Variants in SLC46A1 observed in about 807,000 individuals in gnomAD.
The protein encoded by SLC46A1 is proton-coupled folate transporter.
SLC46A1 carries 17 observed loss-of-function variants against 32.1 expected under a neutral mutation model. That is an observed-to-expected ratio of 0.53 (90% CI 0.36 to 0.79). The LOEUF is 0.79. Among genes scored for constraint, SLC46A1 ranks in the 30% least tolerant of loss-of-function variants. SLC46A1 has a pLI of 0.00. For missense variants in SLC46A1, 517 were observed against 588.2 expected, an observed-to-expected ratio of 0.88 and a Z score of 1.25; for synonymous variants, 240 against 262.7, an observed-to-expected ratio of 0.91 and a Z score of 0.84.
chr17:28,403,388 T>C (rs1384668098), intron 2 of SLC46A1: 1 of 152,456 alleles, frequency 6.6e-6, no homozygotes, highest in Non-Finnish European at 1.5e-5. Flanking sequence ...TCATAACCAT[T>C]TCTCTCCCTG....
At position 28,406,097 on chromosome 17, in the gene SLC46A1, G is replaced by T. The variant is rs375478405; in HGVS notation, c.18C>A (p.Ser6Arg). ...GGCGGGCGCGGGGCTTTTCCGGGGG[G>T]CTCGCGCTCCCCTCCATGTGCGTGC... The part of the protein sequence containing the change: MEGSA[S>R]PPEKPRARPA... Residue 6 changes from serine to arginine, a missense_variant, in exon 1 of 5, where the codon AGC becomes AGA. By Grantham distance (110) the Ser-to-Arg change is moderately radical. Transcript: ENST00000612814. The surrounding 1 kb of genome is among the most constrained non-coding windows in gnomAD (Gnocchi z 4.5). 7.1e-6 allele frequency: 11 copies of T among 1,559,136 alleles called. No individual in the cohort carries two copies. Among genetic ancestry groups the T allele is most frequent in the East Asian group, 2.4e-5 (1 of 41,154 alleles).
chr17:28,406,281 T>C, upstream of SLC46A1: 1 of 507,060 alleles, frequency 2.0e-6, no homozygotes, highest in Non-Finnish European at 3.1e-6. The surrounding 1 kb of genome is among the most constrained non-coding windows in gnomAD (Gnocchi z 4.5). Flanking sequence ...GCCACCGGAC[T>C]CTCGCCGCGG....
rs2142447378 is a variant in SLC46A1, at chr17:28,397,658, AG to A, written c.*1997del. The stretch of plus-strand genomic sequence containing the variant: ...GGCTATTGCTTCTCCCTTGCTTCAA[AG>A]AATCTAGCAGCGGGGGATAGGATTT... On this transcript the variant is annotated 3_prime_UTR_variant, in exon 5 of 5. Transcript: ENST00000612814. The A allele has an allele frequency of 6.6e-6, 1 of 152,374 alleles. No homozygotes were observed. Among genetic ancestry groups the A allele is most frequent in the African/African-American group, 2.4e-5 (1 of 41,596 alleles). The allele number at this position is 152,374 out of a possible 1,614,324, so 9.4% of individuals were successfully genotyped here. A position where few individuals can be genotyped will look rare whatever the true frequency, so the allele number is the denominator to read the frequency against.
chr17:28,405,960 C>A lies in SLC46A1; in HGVS notation c.155G>T (p.Ser52Ile), dbSNP rs989971529. 2 of 1,611,628 alleles carry A rather than the reference C, an allele frequency of 1.2e-6. No individual in the cohort carries two copies. The highest frequency in any genetic ancestry group is 1.7e-6 in the Non-Finnish European group (2 of 1,179,278). The change falls in exon 1 of 5, where the codon AGC becomes ATC. Residue 52 changes from serine to isoleucine, a missense_variant. Physicochemically the swap from Ser to Ile is moderately radical, Grantham distance 142. Coordinates refer to ENST00000612814, the MANE Select transcript of SLC46A1 (RefSeq NM_080669.6). Reference protein sequence around the residue: ...LTTQYLWHRFSADLGYNGTRQ... With the variant: ...LTTQYLWHRFIADLGYNGTRQ... ...GGTGCCATTGTAGCCGAGGTCGGCG[C>A]TGAAGCGGTGCCACAGATACTGCGT... is the stretch of plus-strand genomic sequence containing the variant.
In SLC46A1 at chr17:28,406,038, T is replaced by C; in HGVS notation, c.77A>G (p.Glu26Gly). The C allele has an allele frequency of 6.2e-7, 1 of 1,607,322 alleles. No individual in the cohort carries two copies. The highest frequency in any genetic ancestry group is 8.5e-7 in the Non-Finnish European group (1 of 1,178,042). Reference protein sequence around the residue: ...AAAVLCRGPVEPLVFLANFAL... With the variant: ...AAAVLCRGPVGPLVFLANFAL... ...AAAGTTGGCCAGGAAGACCAGCGGC[T>C]CTACCGGGCCCCGGCACAGCACGGC... Residue 26 changes from glutamate (E) to glycine (G), a missense_variant, in exon 1 of 5, where the codon GAG becomes GGG. Physicochemically the swap from Glu to Gly is moderately conservative, Grantham distance 98. Coordinates refer to ENST00000612814, the MANE Select transcript of SLC46A1 (RefSeq NM_080669.6). This position sits in a 1 kb window ranked among gnomAD's most constrained non-coding sequence, Gnocchi z 4.5.
In SLC46A1 at chr17:28,395,255, G is replaced by C. The variant is rs2068105486; in HGVS notation, c.*4401C>G. On this transcript the variant is annotated 3_prime_UTR_variant, in exon 5 of 5. Transcript: ENST00000612814. The stretch of plus-strand genomic sequence containing the variant: ...TTACAGGCGTGACCCACCATGCCCA[G>C]CTGAATTATTTAATTTCACAGTTAT... 6.6e-6 allele frequency: 1 copy of C among 152,168 alleles called. No individual in the cohort carries two copies. The highest frequency in any genetic ancestry group is 6.5e-5 in the Admixed American group (1 of 15,268). 9.4% of individuals were successfully genotyped at this position (152,168 alleles called of 1,614,324 possible).
At chr17:28,405,599 G>T in intron 1 of SLC46A1, 131 bp from the exon 2 acceptor site, 1 of 1,378,456 alleles carries the variant, frequency 7.3e-7, no homozygotes. Flanking sequence ...TCTTAGCACA[G>T]CTTTCAAAAT....
At position 28,405,465 on chromosome 17, in the gene SLC46A1, C is replaced by T; in HGVS notation, c.232G>A (p.Val78Met). 1 of 1,597,594 alleles carries T rather than the reference C, an allele frequency of 6.3e-7. No homozygotes were observed. Among genetic ancestry groups the T allele is most frequent in the Non-Finnish European group, 8.5e-7 (1 of 1,173,544 alleles). The part of the protein sequence containing the change: ...NRSADPTMQE[V>M]ETLTSHWTLY... ...GTCCAGTGGGAGGTAAGGGTCTCCA[C>T]TTCCTGTAGGGGCACAATGACCAGG... Residue 78 changes from valine to methionine, a missense_variant, in exon 2 of 5, where the codon GTG becomes ATG. Physicochemically the swap from Val to Met is conservative, Grantham distance 21. Transcript: ENST00000612814.
chr17:28,403,835 A>G (rs1281958113), intron 2 of SLC46A1: 1 of 152,194 alleles, frequency 6.6e-6, no homozygotes, highest in Non-Finnish European at 1.5e-5. Flanking sequence ...CAAAATGGTG[A>G]GGACCCCATC....
Position 28,399,574 on chromosome 17 carries a change from G to A in SLC46A1, c.*82C>T. 4 of 1,439,618 alleles carry A rather than the reference G, an allele frequency of 2.8e-6. No individual in the cohort carries two copies. The highest frequency in any genetic ancestry group is 3.9e-6 in the Non-Finnish European group (4 of 1,025,722). 89.2% of individuals were successfully genotyped at this position (1,439,618 alleles called of 1,614,324 possible). On this transcript the variant is annotated 3_prime_UTR_variant, in exon 5 of 5. Transcript: ENST00000612814. The stretch of plus-strand genomic sequence containing the variant: ...AGACAAGAGTTGCTTGTCCTGCTGT[G>A]GGCTGGGCTTCCAGCTGCAGACCTC...
intron 4 of SLC46A1, chr17:28,400,087 G>C: frequency 3.7e-6 from 1 of 267,594 alleles, no homozygotes; most frequent in South Asian, 4.7e-5. Context: ...TACAGACAAG[G>C]TCTTGCTATG....
upstream of SLC46A1, chr17:28,406,481 C>G (rs41297057): frequency 6.8e-5 from 15 of 222,082 alleles, no homozygotes; most frequent in Non-Finnish European, 1.1e-4. This position sits in a 1 kb window ranked among gnomAD's most constrained non-coding sequence, Gnocchi z 4.5. Context: ...GGTATTAAAC[C>G]CTTTTTGTGC....
Position 28,399,404 on chromosome 17 carries a change from G to A in SLC46A1, c.*252C>T. 1.9e-6 allele frequency: 1 copy of A among 527,174 alleles called. No individual in the cohort carries two copies. 32.7% of individuals were successfully genotyped at this position (527,174 alleles called of 1,614,324 possible). ...TAGCAGAAAGGGAGAACTGACTCCT[G>A]TCCCAAATAGCTCCTCTGCCACCTG... On this transcript the variant is annotated 3_prime_UTR_variant, in exon 5 of 5. Transcript: ENST00000612814.
Position 28,399,594 on chromosome 17 carries a change from G to T in SLC46A1, c.*62C>A. The T allele has an allele frequency of 6.4e-7, 1 of 1,563,998 alleles. No individual in the cohort carries two copies. The highest frequency in any genetic ancestry group is 1.1e-5 in the South Asian group (1 of 89,538). On this transcript the variant is annotated 3_prime_UTR_variant, in exon 5 of 5. Transcript: ENST00000612814. ...GCTGTGGGCTGGGCTTCCAGCTGCAGACCTCCAGTTGCTTGGTGTTCACTT... is the reference window on the plus strand; with the variant it reads ...GCTGTGGGCTGGGCTTCCAGCTGCATACCTCCAGTTGCTTGGTGTTCACTT...
rs2068151320 is a variant in SLC46A1 at position 28,397,971 on chromosome 17, C to CCT, written c.*1683_*1684dup. On this transcript the variant is annotated 3_prime_UTR_variant, in exon 5 of 5. Transcript: ENST00000612814. Reference sequence around the variant, plus strand: ...GTTTGGGGCTCCTTCCTTCCACTCCCCTCCCTGCCAGAGTCTGTCTTGGCC... The same window carrying CCT: ...GTTTGGGGCTCCTTCCTTCCACTCCCCTCTCCCTGCCAGAGTCTGTCTTGGCC... 6.5e-6 allele frequency: 1 copy of CCT among 152,712 alleles called. No individual in the cohort carries two copies. Among genetic ancestry groups the CCT allele is most frequent in the Non-Finnish European group, 1.5e-5 (1 of 68,432 alleles). The allele number at this position is 152,712 out of a possible 1,614,324, so 9.5% of individuals were successfully genotyped here. A position where few individuals can be genotyped will look rare whatever the true frequency, so the allele number is the denominator to read the frequency against.
Position 28,395,625 on chromosome 17 carries a change from C to T in SLC46A1, c.*4031G>A, listed in dbSNP as rs1043294013. The T allele has an allele frequency of 2.6e-6, 1 of 379,334 alleles. No individual in the cohort carries two copies. The highest frequency in any genetic ancestry group is 4.9e-6 in the Non-Finnish European group (1 of 204,680). The allele number at this position is 379,334 out of a possible 1,614,324, so 23.5% of individuals were successfully genotyped here. A position where few individuals can be genotyped will look rare whatever the true frequency, so the allele number is the denominator to read the frequency against. ...TCTAGGCTACCCCCATAGCACCCCC[C>T]GGGCCCCCAGTGGGGAATCATCTCT... On this transcript the variant is annotated 3_prime_UTR_variant, in exon 5 of 5. Coordinates refer to ENST00000612814, the MANE Select transcript of SLC46A1 (RefSeq NM_080669.6).
rs2142465941 is a variant in SLC46A1, at chr17:28,404,974, C to T, written c.723G>A (p.Arg241=). 1 of 1,613,988 alleles carries T rather than the reference C, an allele frequency of 6.2e-7. No individual in the cohort carries two copies. The highest frequency in any genetic ancestry group is 8.5e-7 in the Non-Finnish European group (1 of 1,179,894). The change falls in exon 2 of 5, where the codon CGG becomes CGA. Residue 241 remains arginine (R), a synonymous_variant. Transcript: ENST00000612814. ...GETLKEPKST[R]LFTFRHHRSI... ...ATCGGTGGTGACGGAACGTGAAGAG[C>T]CGGGTGGACTTTGGCTCCTTTAAGG...
At chr17:28,402,140 G>T in intron 3 of SLC46A1, 98 bp downstream of exon 3, 1 of 1,043,284 alleles carries the variant, frequency 9.6e-7, no homozygotes, top group Non-Finnish European at 1.4e-6. Context: ...GGTGAGAGGG[G>T]GGAAGGCAAG....
At position 28,396,039 on chromosome 17, in the gene SLC46A1, G is replaced by A; in HGVS notation, c.*3617C>T. 1 of 1,613,856 alleles carries A rather than the reference G, an allele frequency of 6.2e-7. No homozygotes were observed. Among genetic ancestry groups the A allele is most frequent in the South Asian group, 1.1e-5 (1 of 91,082 alleles). ...TCAACGGTATCAAGTGAGCCCCAGG[G>A]CCCTGGGACCAGGGGGGTAGGGTAC... On this transcript the variant is annotated 3_prime_UTR_variant, in exon 5 of 5. Coordinates refer to ENST00000612814, the MANE Select transcript of SLC46A1 (RefSeq NM_080669.6).
Sources: gnomAD v4.1 joint callset for allele counts on GRCh38, gnomAD v4.1.1 for gene constraint, Gnocchi (gnomAD v3.1) non-coding constraint, MANE v1.5 for transcripts, NCBI Gene and HGNC (gene_info 2026-07-23, HGNC 2026-07-21) for gene names.